The following HAT1 variants were observed in gnomAD, a reference collection of about 807,000 sequenced individuals.
HAT1 encodes the protein histone acetyltransferase 1.
In HAT1, 20 loss-of-function variants were observed where a neutral mutation model predicts 56.6. That is an observed-to-expected ratio of 0.35 (90% CI 0.25 to 0.51). The LOEUF (loss-of-function observed/expected upper bound fraction) is 0.51, where lower values mean the gene tolerates loss of function less well. HAT1 is among the 20% of genes least tolerant of loss of function. HAT1 has a pLI of 0.95. For missense variants in HAT1, 408 were observed against 504.3 expected, an observed-to-expected ratio of 0.81 and a Z score of 1.83; for synonymous variants, 146 against 165.5, an observed-to-expected ratio of 0.88 and a Z score of 0.91.
chr2:171,956,006 C>A (rs1452856817), intron 4 of HAT1, among the ~76,000 whole-genome samples: 1 of 151,650 alleles, frequency 6.6e-6, no homozygotes, highest in Admixed American at 6.6e-5. Context: ...TATCGCGCCA[C>A]TGCACTCCAG....
At chr2:171,970,118 C>T (rs543828370) in intron 8 of HAT1, among the ~76,000 whole-genome samples, 1 of 152,218 alleles carries the variant, frequency 6.6e-6, no homozygotes, top group East Asian at 1.9e-4. Context: ...TGTGATTGCG[C>T]TATTGCACTC....
chr2:171,927,453 A>G (rs1309058030), intron 2 of HAT1, among the ~76,000 whole-genome samples: 4 of 152,056 alleles, frequency 2.6e-5, no homozygotes, highest in Non-Finnish European at 5.9e-5. Flanking sequence ...TTTTTTTTAC[A>G]TGTCCCCTCA....
Position 171,965,769 on chromosome 2 carries a change from T to C in HAT1, c.490-18T>C. ...TTTGTGATGAGTTTCACCTGACTTTTCCTGGCTTTTTCCCTAGGCTGACAT... is the reference window on the plus strand; with the variant it reads ...TTTGTGATGAGTTTCACCTGACTTTCCCTGGCTTTTTCCCTAGGCTGACAT... On this transcript the variant is annotated intron_variant, in intron 5 of 10. Coordinates refer to ENST00000264108, the MANE Select transcript of HAT1 (RefSeq NM_003642.4). The C allele has an allele frequency of 6.2e-7, 1 of 1,610,614 alleles. No individual in the cohort carries two copies. The highest frequency in any genetic ancestry group is 8.5e-7 in the Non-Finnish European group (1 of 1,178,654).
At chr2:171,957,625 G>A (rs905278427) in intron 4 of HAT1, among the ~76,000 whole-genome samples, 5 of 152,142 alleles carry the variant, frequency 3.3e-5, no homozygotes, top group Non-Finnish European at 5.9e-5. Flanking sequence ...TGTTTGGATA[G>A]AATGAATGTA....
At chr2:171,966,345 A>G (rs575705571) in intron 6 of HAT1, 64 bp from the exon 7 acceptor site, 1 of 856,016 alleles carries the variant, frequency 1.2e-6, no homozygotes, top group East Asian at 2.4e-5. Flanking sequence ...AATGGAAAAG[A>G]AAATGGACAC....
intron 2 of HAT1, among the ~76,000 whole-genome samples, chr2:171,936,021 C>T (rs1686864395): frequency 6.6e-6 from 1 of 152,044 alleles, no homozygotes; most frequent in Non-Finnish European, 1.5e-5. Flanking sequence ...AAGGCTAGGG[C>T]ACATCATGGG....
At chr2:171,970,751 C>T (rs1687796409) in intron 8 of HAT1, among the ~76,000 whole-genome samples, 1 of 150,748 alleles carries the variant, frequency 6.6e-6, no homozygotes. Flanking sequence ...AACTCCTAAC[C>T]TTGTGACCCT....
chr2:171,977,558 T>TATATATATATATA (rs1491530330), intron 9 of HAT1, among the ~76,000 whole-genome samples: 21 of 9,398 alleles, frequency 2.2e-3, no homozygotes, highest in East Asian at 4.8e-3. Context: ...TATATATATA[T>TATATATATATATA]TTTTTTTTTT....
chr2:171,947,252 ATTAT>A (rs1166803854), intron 3 of HAT1, among the ~76,000 whole-genome samples: 2 of 151,912 alleles, frequency 1.3e-5, no homozygotes, highest in African/African-American at 4.8e-5. Flanking sequence ...TTATTTATTT[ATTAT>A]TTATTTATTT....
intron 3 of HAT1, among the ~76,000 whole-genome samples, chr2:171,951,585 ATTTTTT>A (rs35551729): frequency 8.2e-6 from 1 of 121,690 alleles, no homozygotes. Flanking sequence ...ACACCTGCCT[ATTTTTT>A]TTTTTTTTTT....
At chr2:171,923,403 T>A (rs891870063) in intron 1 of HAT1, 1 of 152,162 alleles carries the variant, frequency 6.6e-6, no homozygotes, top group African/African-American at 2.4e-5. Context: ...TAGCTAGGAC[T>A]ACAGGCATGC....
intron 1 of HAT1, chr2:171,922,737 G>C: frequency 2.5e-6 from 1 of 399,032 alleles, no homozygotes; most frequent in Non-Finnish European, 4.4e-6. Flanking sequence ...CCAGCAATCC[G>C]GCCCCTACCG....
intron 4 of HAT1, among the ~76,000 whole-genome samples, chr2:171,963,709 C>T (rs924998406): frequency 3.3e-5 from 5 of 152,178 alleles, no homozygotes; most frequent in African/African-American, 1.2e-4. Context: ...ACATCTATTA[C>T]AGCTATCCCT....
intron 2 of HAT1, among the ~76,000 whole-genome samples, chr2:171,930,261 C>A (rs1005115352): frequency 6.6e-6 from 1 of 152,148 alleles, no homozygotes; most frequent in Non-Finnish European, 1.5e-5. Flanking sequence ...CAACCTCTGC[C>A]TCCGAGCTCA....
rs1686571463 is a variant in HAT1, at chr2:171,925,652, C to T, written c.112+11C>T. 9.4e-7 allele frequency: 1 copy of T among 1,066,768 alleles called. No homozygotes were observed. The highest frequency in any genetic ancestry group is 1.5e-5 in the African/African-American group (1 of 64,752). 66.1% of individuals were successfully genotyped at this position (1,066,768 alleles called of 1,614,324 possible). A position where few individuals can be genotyped will look rare whatever the true frequency, so the allele number is the denominator to read the frequency against. ...TTGAACTAAAATTAGGTATGTATGC[C>T]ATTTCTAAGTGATGTTATGTACATA... On this transcript the variant is annotated intron_variant, in intron 2 of 10. Coordinates refer to ENST00000264108, the MANE Select transcript of HAT1 (RefSeq NM_003642.4).
intron 2 of HAT1, among the ~76,000 whole-genome samples, chr2:171,938,304 G>A (rs1362165571): frequency 6.6e-6 from 1 of 152,108 alleles, no homozygotes; most frequent in Non-Finnish European, 1.5e-5. Context: ...CTATATAGCA[G>A]CAGTCCCCAA....
intron 4 of HAT1, among the ~76,000 whole-genome samples, chr2:171,957,668 G>A (rs1687480881): frequency 6.6e-6 from 1 of 151,974 alleles, no homozygotes. Flanking sequence ...AATCTTTGAG[G>A]GCCTTAAGAA....
At position 171,942,009 on chromosome 2, in the gene HAT1, A is replaced by G. The variant is rs1687030876; in HGVS notation, c.113-4699A>G. ...AACCTCTGCCTCCTGGGTTCAAGCA[A>G]TTCTCCTAGTTCAGCCTTCTGAGTA... On this transcript the variant is annotated intron_variant, in intron 2 of 10. Coordinates refer to ENST00000264108, the MANE Select transcript of HAT1 (RefSeq NM_003642.4). 3.9e-5 allele frequency among the ~76,000 whole-genome samples: 6 copies of G among 152,154 alleles called. No homozygotes were observed. In the South Asian group the frequency reaches 1.2e-3, roughly 32 times the overall value.
At chr2:171,958,216 A>G (rs1170964582) in intron 4 of HAT1, among the ~76,000 whole-genome samples, 5 of 152,262 alleles carry the variant, frequency 3.3e-5, no homozygotes, top group African/African-American at 7.2e-5. Flanking sequence ...ATGATTATTT[A>G]GTGTTATTAT....
Sources: allele counts gnomAD v4.1 joint callset (sites outside exome capture counted in the v4.1 genomes callset), GRCh38; gene constraint gnomAD v4.1.1; transcripts MANE v1.5; gene names NCBI Gene and HGNC (gene_info 2026-07-23, HGNC 2026-07-21).